CSMD1: variants seen among roughly 807,000 people sequenced by gnomAD.
CSMD1 encodes CUB and Sushi multiple domains 1, also known as CUB and sushi domain-containing protein 1.
A neutral mutation model predicts 417.5 loss-of-function variants in CSMD1; 213 were observed. The ratio of observed to expected loss-of-function variants is 0.51; its 90% CI spans 0.46 to 0.57. The LOEUF (loss-of-function observed/expected upper bound fraction) is 0.57, where lower values mean the gene tolerates loss of function less well. Among genes scored for constraint, CSMD1 ranks in the 20% least tolerant of loss-of-function variants. CSMD1 has a pLI of 0.00. For missense variants in CSMD1, 6,923 were observed against 4,529.7 expected (o/e 1.53, Z -15.17); for synonymous variants, 2,862 against 1,736.8 (o/e 1.65, Z -16.11).
chr8:3,692,110 C>G (rs1042580369), intron 7 of CSMD1, among the ~76,000 whole-genome samples: 2 of 152,158 alleles, frequency 1.3e-5, no homozygotes, highest in African/African-American at 4.8e-5. Context: ...CTGGAGAGGC[C>G]TGGGGAAGCC....
intron 1 of CSMD1, among the ~76,000 whole-genome samples, chr8:4,766,431 C>G (rs898737814): frequency 6.6e-6 from 1 of 152,010 alleles, no homozygotes; most frequent in African/African-American, 2.4e-5. Context: ...CCTTCGATCA[C>G]GAATATATAC....
At chr8:4,467,982 C>A (rs1298310579) in intron 2 of CSMD1, among the ~76,000 whole-genome samples, 2 of 152,138 alleles carry the variant, frequency 1.3e-5, no homozygotes, top group African/African-American at 4.8e-5. Context: ...GACTAAGGAC[C>A]CTGTCCTAAG....
At chr8:4,113,689 C>G (rs1223899561) in intron 3 of CSMD1, among the ~76,000 whole-genome samples, 1 of 152,160 alleles carries the variant, frequency 6.6e-6, no homozygotes, top group African/African-American at 2.4e-5. Context: ...CAGGCATGAG[C>G]CACCGCGCCC....
chr8:3,835,269 A>C (rs11136671), intron 5 of CSMD1, among the ~76,000 whole-genome samples: 16 of 151,804 alleles, frequency 1.1e-4, no homozygotes, highest in African/African-American at 2.9e-4. Flanking sequence ...ACATGCACAC[A>C]TATGTTTACT....
At chr8:4,077,852 T>C (rs1585264214) in intron 3 of CSMD1, among the ~76,000 whole-genome samples, 2 of 152,190 alleles carry the variant, frequency 1.3e-5, no homozygotes, top group African/African-American at 2.4e-5. Flanking sequence ...AGCCTAAATA[T>C]GCCTCCTTCC....
intron 3 of CSMD1, among the ~76,000 whole-genome samples, chr8:4,161,639 T>C (rs968688994): frequency 6.6e-6 from 1 of 152,188 alleles, no homozygotes; most frequent in Admixed American, 6.5e-5. Context: ...AAAAGTTTAA[T>C]GTGTTCTTCC....
intron 10 of CSMD1, among the ~76,000 whole-genome samples, chr8:3,520,230 G>C (rs181651180): frequency 6.6e-6 from 1 of 151,950 alleles, no homozygotes; most frequent in Non-Finnish European, 1.5e-5. Flanking sequence ...ATGTAGATAA[G>C]TTGATTATAG....
At chr8:4,026,760 A>G (rs1429897349) in intron 4 of CSMD1, among the ~76,000 whole-genome samples, 3 of 152,252 alleles carry the variant, frequency 2.0e-5, no homozygotes, top group African/African-American at 7.2e-5. Flanking sequence ...GGTTGTAATG[A>G]TAACTAAAAT....
intron 26 of CSMD1, among the ~76,000 whole-genome samples, chr8:3,282,820 C>A (rs907037323): frequency 1.3e-5 from 2 of 152,126 alleles, no homozygotes; most frequent in African/African-American, 4.8e-5. Context: ...TTAAACTGAC[C>A]TAACTCAATT....
intron 1 of CSMD1, among the ~76,000 whole-genome samples, chr8:4,950,775 A>C (rs1808688432): frequency 6.6e-6 from 1 of 152,148 alleles, no homozygotes. Context: ...CAGCACGCTA[A>C]GTCAGACAAT....
At chr8:4,234,058 G>T (rs1227441880) in intron 3 of CSMD1, among the ~76,000 whole-genome samples, 1 of 152,084 alleles carries the variant, frequency 6.6e-6, no homozygotes, top group African/African-American at 2.4e-5. Context: ...AAACAGATAA[G>T]TCAACCATTA....
intron 7 of CSMD1, among the ~76,000 whole-genome samples, chr8:3,684,437 A>AT: frequency 6.7e-6 from 1 of 150,312 alleles, no homozygotes; most frequent in East Asian, 1.9e-4. Context: ...TGCATGACTC[A>AT]TAGTACTTAA....
chr8:3,332,898 G>C (rs1585013150), intron 23 of CSMD1, among the ~76,000 whole-genome samples: 2 of 152,182 alleles, frequency 1.3e-5, no homozygotes, highest in Admixed American at 1.3e-4. Context: ...GCAAGTGTGA[G>C]AGCACCAGAT....
chr8:3,265,443 G>A (rs1801365695), intron 26 of CSMD1, among the ~76,000 whole-genome samples: 1 of 152,178 alleles, frequency 6.6e-6, no homozygotes, highest in Non-Finnish European at 1.5e-5. Context: ...TTTACTCTCA[G>A]GGATCAGAGA....
chr8:3,372,042 A>G lies in CSMD1; in HGVS notation c.2783-2672T>C, dbSNP rs1161611602. The stretch of plus-strand genomic sequence containing the variant: ...GAATTCCAGTTGGAAAAGACAGGAT[A>G]AAACCTGTAACAACATAAAAGGCAG... On this transcript the variant is annotated intron_variant, in intron 18 of 69. Transcript: ENST00000635120. 3.3e-5 allele frequency among the ~76,000 whole-genome samples: 5 copies of G among 152,232 alleles called. No individual in the cohort carries two copies. In the East Asian group the frequency reaches 9.6e-4, roughly 29 times the overall value.
At chr8:3,466,760 T>A (rs13272564) in intron 12 of CSMD1, among the ~76,000 whole-genome samples, 25,783 of 151,834 alleles carry the variant, frequency 0.17, 2,765 homozygotes, top group East Asian at 0.32. Context: ...ATGAATAACT[T>A]TGCTTTGAGT....
chr8:4,857,152 G>A (rs1335014596), intron 1 of CSMD1, among the ~76,000 whole-genome samples: 3 of 150,984 alleles, frequency 2.0e-5, no homozygotes, highest in Non-Finnish European at 2.9e-5. Flanking sequence ...TGAACAACCT[G>A]CTCATGAATG....
chr8:3,008,920 T>C (rs1051409047), intron 52 of CSMD1, among the ~76,000 whole-genome samples: 4 of 152,286 alleles, frequency 2.6e-5, no homozygotes. Context: ...ACACCTCACA[T>C]GCAAGTACAG....
In CSMD1 at chr8:3,615,308, C is replaced by G. The variant is rs372103866; in HGVS notation, c.1097+1402G>C. ...TGTGCCCCAGAACTCGCCATGGAAA[C>G]AGACTGAAGTGAGTCTCCAGTAAAA... On this transcript the variant is annotated intron_variant, in intron 8 of 69. Transcript: ENST00000635120. Among the ~76,000 whole-genome samples, 18 of 152,260 alleles carry G rather than the reference C, an allele frequency of 1.2e-4. No homozygotes were observed. In the East Asian group the frequency reaches 2.5e-3, roughly 21 times the overall value.
Sources: gnomAD v4.1 joint callset for allele counts (sites outside exome capture counted in the v4.1 genomes callset) on GRCh38, gnomAD v4.1.1 for gene constraint, MANE v1.5 for transcripts, NCBI Gene and HGNC (gene_info 2026-07-23, HGNC 2026-07-21) for gene names.